ANO10: variants seen among roughly 807,000 people sequenced by gnomAD.
The protein encoded by ANO10 is anoctamin-10.
In ANO10, 77 loss-of-function variants were observed where a neutral mutation model predicts 74.7. The ratio of observed to expected loss-of-function variants is 1.03; its 90% CI spans 0.86 to 1.25. The LOEUF is 1.25. Ranked by LOEUF, ANO10 falls within the 50% of genes most tolerant of loss-of-function variation. The probability of loss-of-function intolerance (pLI) is 0.00; values close to 1 mark genes in which losing one functional copy is unlikely to be tolerated. For missense variants in ANO10, 721 were observed against 778.1 expected (o/e 0.93, Z 0.87); for synonymous variants, 279 against 284.9 (o/e 0.98, Z 0.21).
At chr3:43,593,293 A>G (rs192534792) in intron 4 of ANO10, among the ~76,000 whole-genome samples, 47 of 152,342 alleles carry the variant, frequency 3.1e-4, no homozygotes, top group African/African-American at 9.9e-4. Context: ...GAGCAACTCC[A>G]AGACACATAA....
At chr3:43,432,944 C>CTTTTT (rs5848663) in intron 11 of ANO10, among the ~76,000 whole-genome samples, 731 of 55,254 alleles carry the variant, frequency 0.013, 126 homozygotes, top group East Asian at 0.02. Flanking sequence ...TTGCTTAATT[C>CTTTTT]TTTTTTTTTT....
chr3:43,476,924 A>G (rs1421031671), intron 11 of ANO10, among the ~76,000 whole-genome samples: 1 of 152,114 alleles, frequency 6.6e-6, no homozygotes, highest in East Asian at 1.9e-4. Flanking sequence ...GTACTATTCA[A>G]TGCAGGCAGA....
chr3:43,628,213 T>C (rs2083510537), intron 1 of ANO10, among the ~76,000 whole-genome samples: 1 of 152,224 alleles, frequency 6.6e-6, no homozygotes, highest in South Asian at 2.1e-4. Context: ...ACTGAAGCCA[T>C]GGCAGAAGAA....
chr3:43,502,822 C>G (rs2149153759), intron 11 of ANO10, among the ~76,000 whole-genome samples: 1 of 152,196 alleles, frequency 6.6e-6, no homozygotes. Context: ...GGGAAATAGG[C>G]CAGTCACAAA....
intron 7 of ANO10, among the ~76,000 whole-genome samples, chr3:43,566,739 A>C (rs1464461571): frequency 6.6e-6 from 1 of 152,224 alleles, no homozygotes. Context: ...ATGGGGAAAA[A>C]CCTGAACAGA....
chr3:43,496,121 A>T lies in ANO10; in HGVS notation c.1797+53599T>A, dbSNP rs183584223. 9.2e-5 allele frequency among the ~76,000 whole-genome samples: 14 copies of T among 152,240 alleles called. No individual in the cohort carries two copies. The East Asian group carries it at 2.5e-3, about 27-fold the overall frequency. Reference sequence around the variant, plus strand: ...ACTGTACCTATTAAAAGTAGTGCCTACTCTTTGATCCAGCAATCCTGCTTT... The same window carrying T: ...ACTGTACCTATTAAAAGTAGTGCCTTCTCTTTGATCCAGCAATCCTGCTTT... On this transcript the variant is annotated intron_variant, in intron 11 of 12. Coordinates refer to ENST00000292246, the MANE Select transcript of ANO10 (RefSeq NM_018075.5).
intron 12 of ANO10, among the ~76,000 whole-genome samples, chr3:43,404,924 A>T (rs2092550753): frequency 6.6e-6 from 1 of 151,898 alleles, no homozygotes; most frequent in African/African-American, 2.4e-5. Flanking sequence ...GAAAAGAAAA[A>T]AAAAGCAAAA....
intron 12 of ANO10, among the ~76,000 whole-genome samples, chr3:43,402,915 T>C (rs988313638): frequency 3.9e-5 from 6 of 152,128 alleles, no homozygotes; most frequent in Non-Finnish European, 8.8e-5. Flanking sequence ...TCAGGCAAAA[T>C]ATAGGAACAT....
intron 10 of ANO10, among the ~76,000 whole-genome samples, chr3:43,553,537 CTCTT>C (rs1385552062): frequency 2.9e-5 from 3 of 102,590 alleles, no homozygotes; most frequent in African/African-American, 1.2e-4. Context: ...GATAATTTCT[CTCTT>C]TTTTTTTTTT....
At chr3:43,571,862 TAA>T (rs35839099) in intron 7 of ANO10, among the ~76,000 whole-genome samples, 276 of 118,448 alleles carry the variant, frequency 2.3e-3, no homozygotes, top group Middle Eastern at 4.6e-3. Context: ...TTTCCTACAT[TAA>T]AAAAAAAAAA....
intron 1 of ANO10, 109 bp from the exon 2 acceptor site, chr3:43,605,972 A>T (rs1452651186): frequency 1.6e-6 from 2 of 1,263,870 alleles, no homozygotes; most frequent in Non-Finnish European, 2.2e-6. Flanking sequence ...CTTCCAAGAT[A>T]AAAGCAAATT....
intron 11 of ANO10, among the ~76,000 whole-genome samples, chr3:43,462,496 G>C (rs944311161): frequency 6.6e-6 from 1 of 152,144 alleles, no homozygotes; most frequent in Non-Finnish European, 1.5e-5. Flanking sequence ...CTCCCAAAGT[G>C]GTGGGATTAC....
intron 8 of ANO10, among the ~76,000 whole-genome samples, chr3:43,562,455 C>CGAAAAAAAAAAAAAA (rs2080088968): frequency 1.4e-5 from 1 of 69,946 alleles, no homozygotes; most frequent in Non-Finnish European, 2.4e-5. Flanking sequence ...CTGTCTCAAA[C>CGAAAAAAAAAAAAAA]AAAAAAAAAA....
At chr3:43,415,308 C>T (rs964960499) in intron 12 of ANO10, among the ~76,000 whole-genome samples, 2 of 151,596 alleles carry the variant, frequency 1.3e-5, no homozygotes, top group Non-Finnish European at 2.9e-5. Flanking sequence ...AAACTGAGGC[C>T]GAGAGGTTTG....
intron 11 of ANO10, among the ~76,000 whole-genome samples, chr3:43,545,899 C>T (rs2079170065): frequency 1.3e-5 from 2 of 152,068 alleles, no homozygotes; most frequent in South Asian, 4.1e-4. Context: ...TGAATGGTAG[C>T]AAACCAAAAA....
intron 9 of ANO10, 61 bp downstream of exon 9, chr3:43,561,159 C>T: frequency 5.8e-6 from 9 of 1,556,422 alleles, no homozygotes; most frequent in Non-Finnish European, 8.0e-6. Context: ...ATTTGTTGAA[C>T]TCAGTGCATG....
intron 1 of ANO10, among the ~76,000 whole-genome samples, chr3:43,629,863 C>A (rs1489768246): frequency 6.6e-6 from 1 of 152,040 alleles, no homozygotes; most frequent in Non-Finnish European, 1.5e-5. Context: ...AGGAGAGATG[C>A]CAAAGCTAGA....
At chr3:43,640,164 G>C (rs1481730034) in intron 1 of ANO10, among the ~76,000 whole-genome samples, 1 of 152,190 alleles carries the variant, frequency 6.6e-6, no homozygotes, top group African/African-American at 2.4e-5. Context: ...TATATTTAAT[G>C]GGTTTCAATT....
In ANO10 at chr3:43,465,139, A is replaced by G. The variant is rs1049122070; in HGVS notation, c.1798-32412T>C. 3.3e-5 allele frequency among the ~76,000 whole-genome samples: 5 copies of G among 152,340 alleles called. No homozygotes were observed. The South Asian group carries it at 1.0e-3, about 32-fold the overall frequency. On this transcript the variant is annotated intron_variant, in intron 11 of 12. Transcript: ENST00000292246. The stretch of plus-strand genomic sequence containing the variant: ...CCCCATATAAATAAAACTATTACTA[A>G]TAAGCAAATTTTTCAAAGTTTCAGG...
Sources: allele counts gnomAD v4.1 joint callset (sites outside exome capture counted in the v4.1 genomes callset), GRCh38; gene constraint gnomAD v4.1.1; transcripts MANE v1.5; gene names NCBI Gene and HGNC (gene_info 2026-07-23, HGNC 2026-07-21).